The following TRIM24 variants were observed in gnomAD, a reference collection of about 807,000 sequenced individuals.
TRIM24 encodes tripartite motif containing 24.
In TRIM24, 29 loss-of-function variants were observed where a neutral mutation model predicts 123.9. The observed-to-expected ratio is 0.23, with a 90% confidence interval of 0.17 to 0.32. The LOEUF is 0.32. Among genes scored for constraint, TRIM24 ranks in the 10% least tolerant of loss-of-function variants. TRIM24 has a pLI of 1.00. For synonymous variants in TRIM24, 456 were observed against 461.1 expected (o/e 0.99, Z 0.14); for missense variants, 932 against 1,295.3 (o/e 0.72, Z 4.31).
intron 9 of TRIM24, among the ~76,000 whole-genome samples, chr7:138,564,708 C>G (rs1374942699): frequency 6.6e-6 from 1 of 152,146 alleles, no homozygotes; most frequent in Non-Finnish European, 1.5e-5. Flanking sequence ...AATACATGGC[C>G]AATTGTTTCC....
intron 2 of TRIM24, among the ~76,000 whole-genome samples, chr7:138,506,920 A>G (rs1796163217): frequency 6.6e-6 from 1 of 152,182 alleles, no homozygotes; most frequent in Admixed American, 6.5e-5. Flanking sequence ...CGTGGTAGCA[A>G]TAAGGAAAGG....
chr7:138,464,951 A>G (rs1051201775), intron 1 of TRIM24, among the ~76,000 whole-genome samples: 1 of 152,186 alleles, frequency 6.6e-6, no homozygotes, highest in African/African-American at 2.4e-5. Context: ...ACTGTTTCAG[A>G]TCTAGTTTCC....
intron 13 of TRIM24, 61 bp downstream of exon 13, chr7:138,576,506 A>G (rs1470504216): frequency 6.8e-6 from 10 of 1,468,242 alleles, no homozygotes; most frequent in Admixed American, 1.7e-5. Context: ...TTCTTTTGCC[A>G]GTGTTCAACA....
chr7:138,462,780 C>G (rs960677943), intron 1 of TRIM24, among the ~76,000 whole-genome samples: 1 of 152,198 alleles, frequency 6.6e-6, no homozygotes, highest in Non-Finnish European at 1.5e-5. Context: ...TGGACACTCT[C>G]AGATCCTTCG....
At chr7:138,493,436 T>C (rs998836956) in intron 1 of TRIM24, among the ~76,000 whole-genome samples, 2 of 152,234 alleles carry the variant, frequency 1.3e-5, no homozygotes, top group African/African-American at 2.4e-5. Flanking sequence ...TATAGTGACT[T>C]TTCCAAGAAA....
intron 4 of TRIM24, among the ~76,000 whole-genome samples, chr7:138,519,967 G>T (rs1024996095): frequency 6.6e-6 from 1 of 152,048 alleles, no homozygotes; most frequent in Non-Finnish European, 1.5e-5. Flanking sequence ...CTAGGCTCCC[G>T]ATAATGGCAG....
In TRIM24 at chr7:138,460,868, C is replaced by A. The variant is rs1290593323; in HGVS notation, c.320C>A (p.Ala107Asp). 6.5e-7 allele frequency: 1 copy of A among 1,544,442 alleles called. No individual in the cohort carries two copies. The highest frequency in any genetic ancestry group is 1.2e-5 in the South Asian group (1 of 85,716). The part of the protein sequence containing the change: ...GSAETPPPVP[A>D]PGSPVSGSSP... Reference sequence around the variant, plus strand: ...GCCGAGACCCCGCCACCCGTCCCTGCCCCCGGCTCGCCGGTCAGCGGCTCG... The same window carrying A: ...GCCGAGACCCCGCCACCCGTCCCTGACCCCGGCTCGCCGGTCAGCGGCTCG... Residue 107 changes from alanine (A) to aspartate (D), a missense_variant, in exon 1 of 19, where the codon GCC becomes GAC. By Grantham distance (126) the Ala-to-Asp change is moderately radical (BLOSUM62 -2). Coordinates refer to ENST00000343526, the MANE Select transcript of TRIM24 (RefSeq NM_015905.3).
intron 1 of TRIM24, among the ~76,000 whole-genome samples, chr7:138,498,691 G>T (rs929129926): frequency 8.6e-5 from 13 of 151,364 alleles, no homozygotes; most frequent in African/African-American, 2.9e-4. Context: ...AGGCTGGAGT[G>T]CAGTGGTGTG....
At chr7:138,531,881 T>G (rs1372426156) in intron 6 of TRIM24, among the ~76,000 whole-genome samples, 1 of 152,158 alleles carries the variant, frequency 6.6e-6, no homozygotes, top group Non-Finnish European at 1.5e-5. Flanking sequence ...CAGCACCTGT[T>G]GTTTCCTGAC....
In TRIM24 at chr7:138,531,342, T is replaced by C. The variant is rs537973734; in HGVS notation, c.996+2112T>C. On this transcript the variant is annotated intron_variant, in intron 6 of 18. Coordinates refer to ENST00000343526, the MANE Select transcript of TRIM24 (RefSeq NM_015905.3). ...ATTAACTCGTTATTTACATTAGGTATATCTCCCAATGCTATCCCTCCCCCC... is the reference window on the plus strand; with the variant it reads ...ATTAACTCGTTATTTACATTAGGTACATCTCCCAATGCTATCCCTCCCCCC... Among the ~76,000 whole-genome samples the C allele has an allele frequency of 2.0e-5, 3 of 149,210 alleles. No individual in the cohort carries two copies. The South Asian group carries it at 6.2e-4, about 31-fold the overall frequency.
At chr7:138,568,419 C>G (rs1797584249) in intron 10 of TRIM24, among the ~76,000 whole-genome samples, 1 of 98,098 alleles carries the variant, frequency 1.0e-5, no homozygotes, top group African/African-American at 3.5e-5. Context: ...TAAAGTCTCT[C>G]TCTGTCACTC....
At chr7:138,545,451 T>A (rs1797084131) in intron 7 of TRIM24, 1 of 456,784 alleles carries the variant, frequency 2.2e-6, no homozygotes, top group Non-Finnish European at 4.4e-6. Context: ...ATATTGAAGG[T>A]AATCGCAGCC....
intron 7 of TRIM24, among the ~76,000 whole-genome samples, chr7:138,545,127 T>C (rs1584731243): frequency 6.6e-6 from 1 of 152,178 alleles, no homozygotes; most frequent in Non-Finnish European, 1.5e-5. Flanking sequence ...ATCCCCAAGA[T>C]ATCTAATTAT....
Position 138,468,537 on chromosome 7 carries a change from G to A in TRIM24, c.364+7625G>A, listed in dbSNP as rs560122770. Among the ~76,000 whole-genome samples, 83 of 151,852 alleles carry A rather than the reference G, an allele frequency of 5.5e-4. 1 individual carries two copies. Among genetic ancestry groups the A allele is most frequent in the Middle Eastern group, 3.4e-3 (1 of 292 alleles). ...TACTTCTAGCTTTTTAAAGTATCTC[G>A]TAGATAGCGTATAGTTGTCTTACTT... On this transcript the variant is annotated intron_variant, in intron 1 of 18. Coordinates refer to ENST00000343526, the MANE Select transcript of TRIM24 (RefSeq NM_015905.3).
Position 138,585,415 on chromosome 7 carries a change from A to C in TRIM24, c.*464A>C, listed in dbSNP as rs1339344578. ...GTGAATTATATGGCCTGACAATATG[A>C]ATTAGGTGTACTGTACTGAAGAACA... On this transcript the variant is annotated 3_prime_UTR_variant, in exon 19 of 19. Transcript: ENST00000343526. The C allele has an allele frequency of 3.3e-5, 8 of 240,038 alleles. No homozygotes were observed. The highest frequency in any genetic ancestry group is 6.5e-5 in the Non-Finnish European group (8 of 123,420). The allele number at this position is 240,038 out of a possible 1,614,324, so 14.9% of individuals were successfully genotyped here. A position where few individuals can be genotyped will look rare whatever the true frequency, so the allele number is the denominator to read the frequency against.
At chr7:138,514,659 C>T (rs1333122711) in intron 2 of TRIM24, 1 of 152,212 alleles carries the variant, frequency 6.6e-6, no homozygotes, top group East Asian at 1.9e-4. Flanking sequence ...TCATCATATG[C>T]TCTTATAACT....
chr7:138,585,074 G>T lies in TRIM24; in HGVS notation c.*123G>T, dbSNP rs1044177339. ...GACTATTCTCATCTCTGTTTTGGAC[G>T]TTTACTAGACTTTGATTTCCTTAAT... On this transcript the variant is annotated 3_prime_UTR_variant, in exon 19 of 19. Transcript: ENST00000343526. 2 of 790,084 alleles carry T rather than the reference G, an allele frequency of 2.5e-6. No individual in the cohort carries two copies. The highest frequency in any genetic ancestry group is 6.9e-5 in the Admixed American group (2 of 29,052). 48.9% of individuals were successfully genotyped at this position (790,084 alleles called of 1,614,324 possible). A position where few individuals can be genotyped will look rare whatever the true frequency, so the allele number is the denominator to read the frequency against.
At position 138,584,849 on chromosome 7, in the gene TRIM24, T is replaced by G; in HGVS notation, c.3051T>G (p.Asn1017Lys). The G allele has an allele frequency of 6.2e-7, 1 of 1,613,832 alleles. No homozygotes were observed. The highest frequency in any genetic ancestry group is 8.5e-7 in the Non-Finnish European group (1 of 1,179,844). ...EKRFPKPEFR[N>K]ESEDNKFSDD... ...GGTTTCCCAAACCAGAATTCAGGAA[T>G]GAATCAGAAGATAATAAATTTAGTG... Residue 1017 changes from asparagine (N) to lysine (K), a missense_variant, in exon 19 of 19, where the codon AAT becomes AAG. Physicochemically the swap from Asn to Lys is moderately conservative, Grantham distance 94. Around this residue, in one of 7 missense-constraint regions of TRIM24, gnomAD observed 104 missense variants for 121.5 expected, o/e 0.86. Transcript: ENST00000343526.
At chr7:138,548,101 TA>T in intron 7 of TRIM24, among the ~76,000 whole-genome samples, 1 of 152,096 alleles carries the variant, frequency 6.6e-6, no homozygotes, top group Admixed American at 6.6e-5. Flanking sequence ...CACCTGAGGA[TA>T]AAAAGTACAG....
Sources: gnomAD v4.1 joint callset for allele counts (sites outside exome capture counted in the v4.1 genomes callset) on GRCh38, gnomAD v4.1.1 for gene constraint, gnomAD v4.1.1 regional missense constraint, MANE v1.5 for transcripts, NCBI Gene and HGNC (gene_info 2026-07-23, HGNC 2026-07-21) for gene names.